The following UGGT2 variants were observed in gnomAD, a reference collection of about 807,000 sequenced individuals.
UGGT2 encodes UDP-glucose:glycoprotein glucosyltransferase 2.
Under a neutral mutation model 192.1 loss-of-function variants are expected in UGGT2, and 180 were observed. That is an observed-to-expected ratio of 0.94 (90% confidence interval 0.83 to 1.06). The LOEUF is 1.06. Among genes scored for constraint, UGGT2 ranks in the 50% least tolerant of loss-of-function variants. The pLI is 0.00. For missense variants in UGGT2, 1,849 were observed against 1,795.7 expected, an observed-to-expected ratio of 1.03 and a Z score of -0.54; for synonymous variants, 580 against 591.0, an observed-to-expected ratio of 0.98 and a Z score of 0.27.
chr13:95,998,905 T>C (rs2051709058), intron 6 of UGGT2, among the ~76,000 whole-genome samples: 1 of 152,216 alleles, frequency 6.6e-6, no homozygotes, highest in Non-Finnish European at 1.5e-5. Flanking sequence ...GCCTCATCTA[T>C]TGCCACAGTG....
At position 95,890,999 on chromosome 13, in the gene UGGT2, G is replaced by C. The variant is rs372026906; in HGVS notation, c.2856-35C>G. ...TAGAAAATAAGATGAAAGATGACGT[G>C]TTAAGTTTATACAAACAACTAATCA... On this transcript the variant is annotated intron_variant, in intron 24 of 38. Transcript: ENST00000376747. 3.3e-5 allele frequency: 49 copies of C among 1,468,128 alleles called. No homozygotes were observed. In the African/African-American group the frequency reaches 6.3e-4, roughly 19 times the overall value. 90.9% of individuals were successfully genotyped at this position (1,468,128 alleles called of 1,614,324 possible).
chr13:95,810,651 G>GA (rs1884535179), intron 38 of UGGT2, among the ~76,000 whole-genome samples: 1 of 151,984 alleles, frequency 6.6e-6, no homozygotes, highest in South Asian at 2.1e-4. Context: ...TATGTTTGTT[G>GA]AAAAAAATCT....
rs1299632176 is a variant in UGGT2, at chr13:95,846,437, G to A, written c.4284+7106C>T. Among the ~76,000 whole-genome samples, 3 of 151,734 alleles carry A rather than the reference G, an allele frequency of 2.0e-5. No homozygotes were observed. In the East Asian group the frequency reaches 5.8e-4, roughly 30 times the overall value. ...GTGCAGAGGGGAGGAGGGGAGGGGG[G>A]GAGGAGGGAGAGGTCCTTTTTATAT... On this transcript the variant is annotated intron_variant, in intron 36 of 38. Transcript: ENST00000376747.
intron 36 of UGGT2, among the ~76,000 whole-genome samples, chr13:95,851,933 C>T (rs996656995): frequency 2.6e-5 from 4 of 152,104 alleles, no homozygotes; most frequent in Non-Finnish European, 5.9e-5. Flanking sequence ...TTAAGAATTA[C>T]CAAAAATGTA....
intron 17 of UGGT2, among the ~76,000 whole-genome samples, chr13:95,928,197 T>C (rs2049096610): frequency 6.6e-6 from 1 of 151,672 alleles, no homozygotes; most frequent in African/African-American, 2.4e-5. Context: ...CCAGACGGGG[T>C]GGCGGCCGGG....
In UGGT2 at chr13:95,824,091, C is replaced by T. The variant is rs139482389; in HGVS notation, c.4528+8836G>A. 2.0e-3 allele frequency among the ~76,000 whole-genome samples: 298 copies of T among 152,136 alleles called. 1 individual carries two copies. Among genetic ancestry groups the T allele is most frequent in the African/African-American group, 7.0e-3 (290 of 41,540 alleles). On this transcript the variant is annotated intron_variant, in intron 38 of 38. Transcript: ENST00000376747. ...ACAAAATTCTTGACTAACAGTTATT[C>T]TGTTTAAGGAGGCTAAAGATAGGAC...
At chr13:96,035,125 G>A (rs1007025705) in intron 1 of UGGT2, among the ~76,000 whole-genome samples, 3 of 152,166 alleles carry the variant, frequency 2.0e-5, no homozygotes, top group Non-Finnish European at 4.4e-5. Flanking sequence ...GAAGCAAAAA[G>A]AACAAAGCTG....
intron 12 of UGGT2, among the ~76,000 whole-genome samples, chr13:95,957,281 T>G (rs2050238762): frequency 6.6e-6 from 1 of 152,248 alleles, no homozygotes; most frequent in African/African-American, 2.4e-5. Flanking sequence ...ATGTACTTAA[T>G]GCCACTGAAT....
intron 1 of UGGT2, among the ~76,000 whole-genome samples, chr13:96,051,411 T>C (rs2053482210): frequency 6.6e-6 from 1 of 152,114 alleles, no homozygotes; most frequent in African/African-American, 2.4e-5. Flanking sequence ...CACACCAACA[T>C]GGCACATGTA....
chr13:95,896,259 T>C (rs2047942313), intron 22 of UGGT2, among the ~76,000 whole-genome samples: 1 of 152,126 alleles, frequency 6.6e-6, no homozygotes, highest in South Asian at 2.1e-4. Context: ...TACTGAAGCA[T>C]AGTTCTTGAA....
At chr13:95,889,045 T>C (rs2047726770) in intron 25 of UGGT2, among the ~76,000 whole-genome samples, 1 of 152,072 alleles carries the variant, frequency 6.6e-6, no homozygotes, top group African/African-American at 2.4e-5. Flanking sequence ...GTCTTGAATT[T>C]CTCAAGTGAT....
At chr13:95,964,893 T>C (rs1441006027) in intron 12 of UGGT2, among the ~76,000 whole-genome samples, 1 of 147,650 alleles carries the variant, frequency 6.8e-6, no homozygotes, top group Non-Finnish European at 1.5e-5. Flanking sequence ...CAAACAAATT[T>C]ACAAGAAAAA....
At chr13:95,831,658 T>TACA (rs1405974212) in intron 38 of UGGT2, among the ~76,000 whole-genome samples, 4 of 152,122 alleles carry the variant, frequency 2.6e-5, no homozygotes, top group Non-Finnish European at 5.9e-5. Context: ...TAAGTTTTTA[T>TACA]ACATATAAAA....
chr13:95,892,470 C>A (rs906578520), intron 24 of UGGT2, among the ~76,000 whole-genome samples: 6 of 151,852 alleles, frequency 4.0e-5, no homozygotes, highest in African/African-American at 1.5e-4. Flanking sequence ...TACTGTCAAG[C>A]ACAGTGACAG....
chr13:95,833,932 T>TA (rs1213362163), intron 37 of UGGT2, among the ~76,000 whole-genome samples: 1 of 152,196 alleles, frequency 6.6e-6, no homozygotes, highest in African/African-American at 2.4e-5. Flanking sequence ...CTCCACTTGC[T>TA]TTCCTCTTAT....
chr13:96,047,460 C>G (rs1173632381), intron 1 of UGGT2, among the ~76,000 whole-genome samples: 2 of 152,152 alleles, frequency 1.3e-5, no homozygotes, highest in Non-Finnish European at 2.9e-5. Context: ...ACACCAAAAT[C>G]CCATCTGTAC....
At chr13:95,805,191 C>A (rs1884244736) in intron 38 of UGGT2, among the ~76,000 whole-genome samples, 2 of 151,394 alleles carry the variant, frequency 1.3e-5, no homozygotes. Flanking sequence ...AAAATATGCT[C>A]AATATCACTA....
chr13:95,953,256 C>A (rs551587379), intron 12 of UGGT2, among the ~76,000 whole-genome samples: 1 of 152,306 alleles, frequency 6.6e-6, no homozygotes, highest in Non-Finnish European at 1.5e-5. Flanking sequence ...TCTTTGTTCC[C>A]TTCATGCTAC....
chr13:95,997,246 G>C (rs1594537816), intron 6 of UGGT2, among the ~76,000 whole-genome samples: 1 of 152,186 alleles, frequency 6.6e-6, no homozygotes, highest in East Asian at 1.9e-4. Context: ...TACAGACCAT[G>C]AACTTTTCTA....
Sources: gnomAD v4.1 joint callset for allele counts (sites outside exome capture counted in the v4.1 genomes callset) on GRCh38, gnomAD v4.1.1 for gene constraint, MANE v1.5 for transcripts, NCBI Gene and HGNC (gene_info 2026-07-23, HGNC 2026-07-21) for gene names.